The following STRN variants were observed in gnomAD, a reference collection of about 807,000 sequenced individuals.
STRN encodes protein phosphatase 2 regulatory subunit B'''alpha.
A neutral mutation model predicts 96.3 loss-of-function variants in STRN; 53 were observed. That is an observed-to-expected ratio of 0.55 (90% CI 0.44 to 0.69). The LOEUF (loss-of-function observed/expected upper bound fraction) is 0.69, where lower values mean the gene tolerates loss of function less well. Ranked by LOEUF, STRN falls within the 30% of genes least tolerant of loss-of-function variation. The pLI, the probability that STRN is intolerant of heterozygous loss-of-function variation, is 0.00. For synonymous variants in STRN, 428 were observed against 355.9 expected, an observed-to-expected ratio of 1.20 and a Z score of -2.28; for missense variants, 987 against 963.9, an observed-to-expected ratio of 1.02 and a Z score of -0.32.
At chr2:36,867,563 T>C (rs1430286826) in intron 12 of STRN, 2 of 270,844 alleles carry the variant, frequency 7.4e-6, no homozygotes, top group Non-Finnish European at 1.4e-5. Context: ...TTAAACCTAG[T>C]TGGCTCTAGT....
chr2:36,919,883 T>C (rs543064657), intron 2 of STRN, among the ~76,000 whole-genome samples: 154 of 152,318 alleles, frequency 1.0e-3, no homozygotes, highest in African/African-American at 3.6e-3. Flanking sequence ...CACTATGTAA[T>C]CTTGAAAATT....
Position 36,927,533 on chromosome 2 carries a change from G to A in STRN, c.235-2325C>T, listed in dbSNP as rs1259451456. Among the ~76,000 whole-genome samples the A allele has an allele frequency of 4.2e-5, 6 of 144,314 alleles. 1 individual carries two copies. In the East Asian group the frequency reaches 1.3e-3, roughly 32 times the overall value. The allele number at this position is 144,314 out of a possible 152,430, so 94.7% of individuals were successfully genotyped here. On this transcript the variant is annotated intron_variant, in intron 1 of 17. Coordinates refer to ENST00000263918, the MANE Select transcript of STRN (RefSeq NM_003162.4). The stretch of plus-strand genomic sequence containing the variant: ...CAAAAAAACAAAAAAAAGGGGGGGG[G>A]GGGTGGTAATCAGGGCCAGGCATGG...
intron 1 of STRN, among the ~76,000 whole-genome samples, chr2:36,943,988 C>T (rs1164990021): frequency 1.3e-5 from 2 of 151,896 alleles, no homozygotes; most frequent in South Asian, 2.1e-4. Context: ...GACGTGGTGG[C>T]GGGCACCTGT....
chr2:36,856,096 G>T (rs1021278923), intron 14 of STRN, among the ~76,000 whole-genome samples: 1 of 152,066 alleles, frequency 6.6e-6, no homozygotes, highest in Non-Finnish European at 1.5e-5. Context: ...TCAAAGAAAT[G>T]CAAATAAACT....
intron 3 of STRN, among the ~76,000 whole-genome samples, chr2:36,907,366 G>C (rs755104927): frequency 6.6e-6 from 1 of 152,102 alleles, no homozygotes; most frequent in East Asian, 1.9e-4. Context: ...TGGCTAACGC[G>C]GTGAAATCCT....
intron 15 of STRN, among the ~76,000 whole-genome samples, chr2:36,854,993 G>T (rs1255823024): frequency 6.6e-6 from 1 of 152,066 alleles, no homozygotes; most frequent in African/African-American, 2.4e-5. Flanking sequence ...ACCCATAACA[G>T]CTCAAATGCT....
At position 36,949,100 on chromosome 2, in the gene STRN, T is replaced by C. The variant is rs903036705; in HGVS notation, c.234+17130A>G. On this transcript the variant is annotated intron_variant, in intron 1 of 17. Transcript: ENST00000263918. Reference sequence around the variant, plus strand: ...ACCTTCTCTACGTTTATGGCTTGGATATGTTTAGATACACAAATATTCGTC... The same window carrying C: ...ACCTTCTCTACGTTTATGGCTTGGACATGTTTAGATACACAAATATTCGTC... Among the ~76,000 whole-genome samples the C allele has an allele frequency of 2.0e-5, 3 of 152,338 alleles. No individual in the cohort carries two copies. The East Asian group carries it at 5.8e-4, about 29-fold the overall frequency.
chr2:36,960,986 T>A (rs1452395333), intron 1 of STRN, among the ~76,000 whole-genome samples: 1 of 152,008 alleles, frequency 6.6e-6, no homozygotes, highest in African/African-American at 2.4e-5. Flanking sequence ...AGCCTTGATC[T>A]CCAGGGCTCA....
At chr2:36,867,194 GA>G (rs1463989423) in intron 12 of STRN, among the ~76,000 whole-genome samples, 1 of 151,996 alleles carries the variant, frequency 6.6e-6, no homozygotes, top group African/African-American at 2.4e-5. Flanking sequence ...AGAAAAATAT[GA>G]AACCCTTCGG....
chr2:36,859,520 A>T (rs1668425530), intron 13 of STRN, among the ~76,000 whole-genome samples: 1 of 152,184 alleles, frequency 6.6e-6, no homozygotes, highest in Non-Finnish European at 1.5e-5. Flanking sequence ...AAACACAGAA[A>T]ATGCTAGGAT....
In STRN at chr2:36,844,806, C is replaced by G. The variant is rs1294877356; in HGVS notation, c.*4650G>C. 6.6e-6 allele frequency: 1 copy of G among 152,046 alleles called. No homozygotes were observed. The highest frequency in any genetic ancestry group is 2.4e-5 in the African/African-American group (1 of 41,396). The allele number at this position is 152,046 out of a possible 1,614,324, so 9.4% of individuals were successfully genotyped here. A position where few individuals can be genotyped will look rare whatever the true frequency, so the allele number is the denominator to read the frequency against. ...TTGCCAATTAAAAAGTTTGTAGTGG[C>G]AAAAGTAAAAATGATTCAAATTGAC... On this transcript the variant is annotated 3_prime_UTR_variant, in exon 18 of 18. Coordinates refer to ENST00000263918, the MANE Select transcript of STRN (RefSeq NM_003162.4).
At position 36,846,799 on chromosome 2, in the gene STRN, A is replaced by C. The variant is rs1176585222; in HGVS notation, c.*2657T>G. The C allele has an allele frequency of 6.6e-6, 1 of 152,078 alleles. No individual in the cohort carries two copies. The highest frequency in any genetic ancestry group is 1.5e-5 in the Non-Finnish European group (1 of 67,988). 9.4% of individuals were successfully genotyped at this position (152,078 alleles called of 1,614,324 possible). A position where few individuals can be genotyped will look rare whatever the true frequency, so the allele number is the denominator to read the frequency against. ...GAGTAGCAAATGAGCTCCATATGAC[A>C]GTTGAGTTTTGAGAAGGGTGCTGCA... On this transcript the variant is annotated 3_prime_UTR_variant, in exon 18 of 18. Transcript: ENST00000263918.
chr2:36,957,262 G>T (rs761238711), intron 1 of STRN, among the ~76,000 whole-genome samples: 1 of 152,136 alleles, frequency 6.6e-6, no homozygotes, highest in Non-Finnish European at 1.5e-5. Flanking sequence ...CATCAGCTGG[G>T]TGGCCCAAAC....
intron 1 of STRN, among the ~76,000 whole-genome samples, chr2:36,952,314 C>T (rs1030618475): frequency 3.3e-5 from 5 of 152,076 alleles, no homozygotes; most frequent in African/African-American, 1.2e-4. Context: ...TAGGGAAGCA[C>T]GAAGCTTCCT....
intron 10 of STRN, among the ~76,000 whole-genome samples, chr2:36,873,273 TTCAAA>T (rs1558631387): frequency 1.3e-5 from 2 of 152,222 alleles, no homozygotes; most frequent in African/African-American, 4.8e-5. Context: ...CAGACAACTT[TTCAAA>T]TAACAGTTTC....
intron 1 of STRN, among the ~76,000 whole-genome samples, chr2:36,962,977 A>T (rs1213928324): frequency 6.6e-6 from 1 of 152,140 alleles, no homozygotes; most frequent in Non-Finnish European, 1.5e-5. Context: ...TTCCTTCTCC[A>T]ATTCCTTTCA....
Position 36,861,237 on chromosome 2 carries a change from C to T in STRN, c.1564G>A (p.Val522Met). 5 of 1,613,836 alleles carry T rather than the reference C, an allele frequency of 3.1e-6. No homozygotes were observed. The highest frequency in any genetic ancestry group is 4.2e-6 in the Non-Finnish European group (5 of 1,179,884). ...FRAHKGPVLC[V>M]VMSSNGEQCY... ...TGCTCACCATTGCTGCTCATTACCA[C>T]ACAAAGCACTGGACCTCTGGGAGAT... The change falls in exon 13 of 18, where the codon GTG (valine) becomes ATG (methionine). Residue 522 changes from valine (V) to methionine (M), a missense_variant. Transcript: ENST00000263918.
chr2:36,958,242 A>C (rs1474843556), intron 1 of STRN, among the ~76,000 whole-genome samples: 1 of 152,042 alleles, frequency 6.6e-6, no homozygotes, highest in Non-Finnish European at 1.5e-5. Context: ...TTTCAAGGAC[A>C]GCAGGCGGCA....
chr2:36,856,740 C>G (rs955024088), intron 14 of STRN, among the ~76,000 whole-genome samples: 1 of 152,166 alleles, frequency 6.6e-6, no homozygotes, highest in African/African-American at 2.4e-5. Flanking sequence ...AGTCTCATGT[C>G]AAACATAATC....
Sources: gnomAD v4.1 joint callset for allele counts (sites outside exome capture counted in the v4.1 genomes callset) on GRCh38, gnomAD v4.1.1 for gene constraint, MANE v1.5 for transcripts, NCBI Gene and HGNC (gene_info 2026-07-23, HGNC 2026-07-21) for gene names.